The following NAALADL2 variants were observed in gnomAD, a reference collection of about 807,000 sequenced individuals.
The protein encoded by NAALADL2 is N-acetylated alpha-linked acidic dipeptidase like 2, also known as inactive N-acetylated-alpha-linked acidic dipeptidase-like protein 2.
A neutral mutation model predicts 87.2 loss-of-function variants in NAALADL2; 76 were observed. The observed-to-expected ratio is 0.87, with a 90% confidence interval of 0.72 to 1.05. The LOEUF (loss-of-function observed/expected upper bound fraction) is 1.05. Ranked by LOEUF, NAALADL2 falls within the 50% of genes least tolerant of loss-of-function variation. NAALADL2 has a pLI of 0.00. For missense variants in NAALADL2, 1,089 were observed against 945.8 expected, an observed-to-expected ratio of 1.15 and a Z score of -1.99; for synonymous variants, 354 against 331.0, an observed-to-expected ratio of 1.07 and a Z score of -0.75.
At chr3:175,099,536 C>A (rs1481548156) in intron 2 of NAALADL2, among the ~76,000 whole-genome samples, 4 of 152,322 alleles carry the variant, frequency 2.6e-5, no homozygotes, top group Admixed American at 2.0e-4. Context: ...CAATTGTCAT[C>A]CTAACCACAT....
At chr3:174,959,313 T>C (rs1225593815) in intron 1 of NAALADL2, among the ~76,000 whole-genome samples, 1 of 152,040 alleles carries the variant, frequency 6.6e-6, no homozygotes, top group Non-Finnish European at 1.5e-5. Flanking sequence ...AAAATAGGAA[T>C]TGTTCATACC....
At chr3:175,719,011 G>A (rs1209286344) in intron 11 of NAALADL2, among the ~76,000 whole-genome samples, 2 of 152,106 alleles carry the variant, frequency 1.3e-5, no homozygotes, top group East Asian at 1.9e-4. Flanking sequence ...CATCCGCTTT[G>A]TGCTAAAATG....
At chr3:174,616,595 T>C (rs1054324145) in intron 2 of NAALADL2, among the ~76,000 whole-genome samples, 1 of 151,930 alleles carries the variant, frequency 6.6e-6, no homozygotes, top group Non-Finnish European at 1.5e-5. Context: ...CTACTCTTGT[T>C]AATTTCTTGA....
chr3:174,634,521 A>G (rs1348854333), intron 2 of NAALADL2, among the ~76,000 whole-genome samples: 1 of 152,080 alleles, frequency 6.6e-6, no homozygotes, highest in African/African-American at 2.4e-5. Context: ...TATTGAATAT[A>G]CCCTACTCTC....
At chr3:174,588,896 T>C (rs1477200758) in intron 2 of NAALADL2, among the ~76,000 whole-genome samples, 2 of 152,176 alleles carry the variant, frequency 1.3e-5, no homozygotes, top group Non-Finnish European at 2.9e-5. Context: ...CACTACTCTC[T>C]TCAAGACTGC....
At chr3:175,726,641 A>G (rs1229746460) in intron 11 of NAALADL2, among the ~76,000 whole-genome samples, 1 of 152,058 alleles carries the variant, frequency 6.6e-6, no homozygotes, top group Non-Finnish European at 1.5e-5. Context: ...TGTGCTTTCT[A>G]TTGGCGGTCT....
chr3:175,004,716 T>C (rs1013694768), intron 1 of NAALADL2, among the ~76,000 whole-genome samples: 1 of 152,206 alleles, frequency 6.6e-6, no homozygotes, highest in Non-Finnish European at 1.5e-5. Flanking sequence ...TGGTTCAATG[T>C]ATAATAACTT....
chr3:174,931,193 A>G (rs377236238), intron 1 of NAALADL2, among the ~76,000 whole-genome samples: 13 of 152,278 alleles, frequency 8.5e-5, no homozygotes, highest in African/African-American at 2.9e-4. Flanking sequence ...TGACCAACCA[A>G]TAATATCAGT....
intron 1 of NAALADL2, among the ~76,000 whole-genome samples, chr3:174,501,109 C>T (rs1211197203): frequency 7.8e-6 from 1 of 128,224 alleles, no homozygotes; most frequent in Non-Finnish European, 1.5e-5. Context: ...GACGGAGTCT[C>T]GCTCTGTCAC....
intron 2 of NAALADL2, among the ~76,000 whole-genome samples, chr3:174,604,034 T>C (rs1015460221): frequency 1.3e-5 from 2 of 152,176 alleles, no homozygotes; most frequent in Non-Finnish European, 2.9e-5. Context: ...GTGTCTATCC[T>C]ACAGCCATGC....
chr3:175,050,725 T>C (rs1015988120), intron 1 of NAALADL2, among the ~76,000 whole-genome samples: 8 of 152,214 alleles, frequency 5.3e-5, no homozygotes, highest in African/African-American at 1.9e-4. Context: ...ATTAAGGTTA[T>C]AGAAATAGTA....
At chr3:175,704,522 AGTTTT>A (rs900700887) in intron 11 of NAALADL2, among the ~76,000 whole-genome samples, 3 of 152,124 alleles carry the variant, frequency 2.0e-5, no homozygotes, top group African/African-American at 7.2e-5. Flanking sequence ...AGCTAAGTAA[AGTTTT>A]GTTTTGTTTC....
chr3:175,758,168 A>G (rs938776058), intron 13 of NAALADL2, among the ~76,000 whole-genome samples: 65 of 152,134 alleles, frequency 4.3e-4, no homozygotes, highest in African/African-American at 1.4e-3. Context: ...GATTAAACAC[A>G]TCATTTTATT....
intron 11 of NAALADL2, among the ~76,000 whole-genome samples, chr3:175,630,555 A>G (rs544711559): frequency 2.0e-5 from 3 of 151,920 alleles, no homozygotes; most frequent in East Asian, 1.9e-4. Flanking sequence ...TAAAATATAC[A>G]TATATGGATA....
intron 11 of NAALADL2, among the ~76,000 whole-genome samples, chr3:175,637,738 A>G (rs1728748308): frequency 6.6e-6 from 1 of 152,204 alleles, no homozygotes. Flanking sequence ...CGGCAAGCCA[A>G]ATAAATAGTA....
At chr3:175,798,710 T>C (rs1226278747) in intron 13 of NAALADL2, among the ~76,000 whole-genome samples, 1 of 152,110 alleles carries the variant, frequency 6.6e-6, no homozygotes, top group Non-Finnish European at 1.5e-5. Flanking sequence ...TTAGGATGTA[T>C]TTTTATTCTT....
intron 11 of NAALADL2, among the ~76,000 whole-genome samples, chr3:175,710,290 C>G (rs541370484): frequency 5.1e-4 from 78 of 151,998 alleles, no homozygotes; most frequent in African/African-American, 1.1e-3. Context: ...AGATGTCAGA[C>G]AGTTGAGACA....
chr3:175,381,430 T>C (rs956158214), intron 5 of NAALADL2, among the ~76,000 whole-genome samples: 3 of 151,892 alleles, frequency 2.0e-5, no homozygotes, highest in Non-Finnish European at 4.4e-5. Context: ...ATTCCTGAAG[T>C]ATGTGTATTT....
chr3:175,741,667 A>G (rs1476922621), intron 12 of NAALADL2, among the ~76,000 whole-genome samples: 2 of 152,166 alleles, frequency 1.3e-5, no homozygotes, highest in Non-Finnish European at 2.9e-5. Context: ...CAGAAGAGAT[A>G]CATATTATAA....
Sources: allele counts gnomAD v4.1 joint callset (sites outside exome capture counted in the v4.1 genomes callset), GRCh38; gene constraint gnomAD v4.1.1; transcripts MANE v1.5; gene names NCBI Gene and HGNC (gene_info 2026-07-23, HGNC 2026-07-21).